CNTN5: variants seen among roughly 807,000 people sequenced by gnomAD.
CNTN5 encodes contactin 5, also known as contactin-5.
In CNTN5, 77 loss-of-function variants were observed where a neutral mutation model predicts 129.1. That is an observed-to-expected ratio of 0.60 (90% CI 0.50 to 0.72). CNTN5 has a LOEUF of 0.72. Among genes scored for constraint, CNTN5 ranks in the 30% least tolerant of loss-of-function variants. CNTN5 has a pLI of 0.00. For missense variants in CNTN5, 1,478 were observed against 1,328.8 expected (o/e 1.11, Z -1.75); for synonymous variants, 509 against 465.6 (o/e 1.09, Z -1.20).
chr11:99,828,744 CAA>C (rs1190009806), intron 4 of CNTN5, among the ~76,000 whole-genome samples: 3 of 152,088 alleles, frequency 2.0e-5, no homozygotes, highest in African/African-American at 4.8e-5. Flanking sequence ...TTACTACACT[CAA>C]GAGAATTTAC....
intron 2 of CNTN5, among the ~76,000 whole-genome samples, chr11:99,403,167 T>C (rs11219773): frequency 0.75 from 113,216 of 151,860 alleles, 43,061 homozygotes; most frequent in African/African-American, 0.9. Context: ...CCACCATGCC[T>C]GGCTAATTTT....
intron 1 of CNTN5, among the ~76,000 whole-genome samples, chr11:99,193,923 G>A: frequency 6.6e-6 from 1 of 152,090 alleles, no homozygotes. Flanking sequence ...AAGAGGTAAA[G>A]AAAACAGATC....
chr11:99,551,258 G>A (rs1190425319), intron 2 of CNTN5, among the ~76,000 whole-genome samples: 1 of 152,070 alleles, frequency 6.6e-6, no homozygotes, highest in African/African-American at 2.4e-5. Flanking sequence ...TGTATATTAA[G>A]AATACAGAAT....
At chr11:99,502,825 T>G (rs1946476051) in intron 2 of CNTN5, among the ~76,000 whole-genome samples, 1 of 152,204 alleles carries the variant, frequency 6.6e-6, no homozygotes, top group South Asian at 2.1e-4. Context: ...TACCTGTGTT[T>G]GCCAAAGGCA....
chr11:99,497,560 T>G (rs1000495330), intron 2 of CNTN5, among the ~76,000 whole-genome samples: 4 of 151,868 alleles, frequency 2.6e-5, no homozygotes, highest in African/African-American at 9.7e-5. Flanking sequence ...TAAACAAAAC[T>G]AGCAAACAAA....
At chr11:99,184,359 C>A (rs1211761938) in intron 1 of CNTN5, among the ~76,000 whole-genome samples, 2 of 152,052 alleles carry the variant, frequency 1.3e-5, no homozygotes, top group Non-Finnish European at 2.9e-5. Flanking sequence ...CTGCTACTCC[C>A]TCTGCTCAGA....
intron 2 of CNTN5, among the ~76,000 whole-genome samples, chr11:99,488,548 C>G (rs955495589): frequency 2.6e-5 from 4 of 151,918 alleles, no homozygotes; most frequent in African/African-American, 9.7e-5. Context: ...AGTATGGAGG[C>G]TAGGTCTTCA....
At chr11:100,139,303 T>C (rs955448598) in intron 13 of CNTN5, among the ~76,000 whole-genome samples, 2 of 152,100 alleles carry the variant, frequency 1.3e-5, no homozygotes, top group African/African-American at 4.8e-5. Flanking sequence ...CTTCAAAATT[T>C]GAAGTCTTTG....
chr11:99,658,435 G>GT (rs1326795162), intron 3 of CNTN5, among the ~76,000 whole-genome samples: 1 of 152,006 alleles, frequency 6.6e-6, no homozygotes, highest in African/African-American at 2.4e-5. Context: ...TTATATTCCA[G>GT]TTTTTTCTTA....
At chr11:99,682,251 T>C (rs568856543) in intron 3 of CNTN5, among the ~76,000 whole-genome samples, 139 of 152,102 alleles carry the variant, frequency 9.1e-4, no homozygotes, top group African/African-American at 3.2e-3. Context: ...GTGAACAATA[T>C]GTAAGTTTTA....
chr11:99,746,526 A>G (rs142625594), intron 3 of CNTN5, among the ~76,000 whole-genome samples: 1 of 152,214 alleles, frequency 6.6e-6, no homozygotes, highest in African/African-American at 2.4e-5. Flanking sequence ...ACAAGCAAGC[A>G]TTACTGCCTG....
At chr11:99,193,114 C>A (rs1464131153) in intron 1 of CNTN5, among the ~76,000 whole-genome samples, 2 of 152,072 alleles carry the variant, frequency 1.3e-5, no homozygotes, top group Non-Finnish European at 2.9e-5. Context: ...GATCATTTTT[C>A]AAAATGTTTG....
intron 2 of CNTN5, among the ~76,000 whole-genome samples, chr11:99,404,546 T>G (rs1941986816): frequency 6.6e-6 from 1 of 152,060 alleles, no homozygotes; most frequent in African/African-American, 2.4e-5. Context: ...CAGGTTACCA[T>G]GAGGCTTTCA....
chr11:100,262,044 A>C (rs1318909352), intron 17 of CNTN5, among the ~76,000 whole-genome samples: 1 of 152,184 alleles, frequency 6.6e-6, no homozygotes, highest in East Asian at 1.9e-4. Flanking sequence ...TTTGCAATCT[A>C]TCCATCTGAC....
chr11:99,697,435 C>T (rs1565437484), intron 3 of CNTN5, among the ~76,000 whole-genome samples: 1 of 151,628 alleles, frequency 6.6e-6, no homozygotes, highest in Non-Finnish European at 1.5e-5. Flanking sequence ...GGCACCTTAA[C>T]TCCCAAAAAC....
intron 2 of CNTN5, among the ~76,000 whole-genome samples, chr11:99,438,757 T>C (rs1478235377): frequency 1.3e-5 from 2 of 152,172 alleles, no homozygotes; most frequent in African/African-American, 4.8e-5. Flanking sequence ...TGTGCATCAA[T>C]CCAGAGTTTT....
chr11:99,971,346 C>G (rs1351028466), intron 8 of CNTN5, among the ~76,000 whole-genome samples: 3 of 152,010 alleles, frequency 2.0e-5, no homozygotes. Flanking sequence ...AGATCGTGAC[C>G]ATCCTGGCCA....
chr11:99,529,040 A>G (rs894371429), intron 2 of CNTN5, among the ~76,000 whole-genome samples: 21 of 152,140 alleles, frequency 1.4e-4, no homozygotes, highest in African/African-American at 4.6e-4. Context: ...GTGCCATTGC[A>G]CTCCAGCCTG....
intron 1 of CNTN5, among the ~76,000 whole-genome samples, chr11:99,067,832 C>T (rs1865166455): frequency 6.6e-6 from 1 of 151,926 alleles, no homozygotes; most frequent in African/African-American, 2.4e-5. Context: ...TGGCTGTGCC[C>T]CCACCCAAAA....
Sources: gnomAD v4.1 joint callset for allele counts (sites outside exome capture counted in the v4.1 genomes callset) on GRCh38, gnomAD v4.1.1 for gene constraint, MANE v1.5 for transcripts, NCBI Gene and HGNC (gene_info 2026-07-23, HGNC 2026-07-21) for gene names.